TRAIP: variants seen among roughly 807,000 people sequenced by gnomAD.
TRAIP encodes the protein TRAF interacting protein.
In TRAIP, 37 loss-of-function variants were observed where a neutral mutation model predicts 65.0. That is an observed-to-expected ratio of 0.57 (90% CI 0.44 to 0.75). The LOEUF is 0.75. Ranked by LOEUF, TRAIP falls within the 30% of genes least tolerant of loss-of-function variation. The pLI is 0.00. For synonymous variants in TRAIP, 187 were observed against 219.1 expected (o/e 0.85, Z 1.29); for missense variants, 481 against 579.4 (o/e 0.83, Z 1.74).
chr3:49,835,796 G>A lies in TRAIP; in HGVS notation c.885-3728C>T, dbSNP rs552793508. 5.3e-5 allele frequency among the ~76,000 whole-genome samples: 8 copies of A among 151,762 alleles called. No individual in the cohort carries two copies. The East Asian group carries it at 9.9e-4, about 19-fold the overall frequency. ...CTACTAAAAATACAAAAAATTAGCCGGGCGTGGTGGCGGGCACCTGTAGTC... is the reference window on the plus strand; with the variant it reads ...CTACTAAAAATACAAAAAATTAGCCAGGCGTGGTGGCGGGCACCTGTAGTC... On this transcript the variant is annotated intron_variant, in intron 10 of 14. Transcript: ENST00000331456.
At chr3:49,840,452 G>A in intron 8 of TRAIP, 79 bp from the exon 9 acceptor site, 2 of 1,201,628 alleles carry the variant, frequency 1.7e-6, no homozygotes, top group Non-Finnish European at 2.5e-6. Flanking sequence ...TCCCCAGGGA[G>A]TGATCAAGGT....
rs771514505 is a variant in TRAIP at position 49,843,781 on chromosome 3, C to T, written c.408+20G>A. 1.2e-6 allele frequency: 2 copies of T among 1,608,716 alleles called. No homozygotes were observed. Among genetic ancestry groups the T allele is most frequent in the Non-Finnish European group, 1.7e-6 (2 of 1,175,516 alleles). ...AATACCTCCCTATGAATTCTGTACC[C>T]ATAAAACCTGAGGACCTACTTTCAG... is the stretch of plus-strand genomic sequence containing the variant. On this transcript the variant is annotated intron_variant, in intron 5 of 14. Transcript: ENST00000331456.
chr3:49,837,569 A>G (rs1401359888), intron 10 of TRAIP, among the ~76,000 whole-genome samples: 3 of 152,032 alleles, frequency 2.0e-5, no homozygotes, highest in Non-Finnish European at 1.5e-5. Flanking sequence ...AAACAAACAG[A>G]CCTGCCACCG....
At chr3:49,846,053 A>G (rs2081879587) in intron 3 of TRAIP, among the ~76,000 whole-genome samples, 1 of 152,136 alleles carries the variant, frequency 6.6e-6, no homozygotes, top group African/African-American at 2.4e-5. Context: ...TGCACACAAA[A>G]AAAGCTAAAT....
intron 10 of TRAIP, among the ~76,000 whole-genome samples, chr3:49,837,823 C>A (rs1271947536): frequency 6.6e-6 from 1 of 151,856 alleles, no homozygotes; most frequent in Admixed American, 6.6e-5. Context: ...CTCAGGTGAT[C>A]CACTCACCTC....
At chr3:49,835,863 G>A (rs999475477) in intron 10 of TRAIP, among the ~76,000 whole-genome samples, 3 of 151,432 alleles carry the variant, frequency 2.0e-5, no homozygotes, top group Admixed American at 6.6e-5. Context: ...AGCGTGAACC[G>A]GGGAGGCGGA....
intron 8 of TRAIP, 94 bp downstream of exon 8, chr3:49,840,891 G>A: frequency 8.5e-7 from 1 of 1,178,994 alleles, no homozygotes; most frequent in Admixed American, 1.7e-5. Flanking sequence ...AGTCAGCTGT[G>A]CCATCAGGTC....
rs2081717291 is a variant in TRAIP, at chr3:49,829,856, G to C, written c.1087-90C>G. ...GTGGTGGAACAAGATCAGGATCTCT[G>C]ATGCCTCACTAGGAGGCAGGAGGGA... On this transcript the variant is annotated intron_variant, in intron 12 of 14. Coordinates refer to ENST00000331456, the MANE Select transcript of TRAIP (RefSeq NM_005879.3). 20 of 1,585,874 alleles carry C rather than the reference G, an allele frequency of 1.3e-5. No homozygotes were observed. The South Asian group carries it at 1.8e-4, about 14-fold the overall frequency.
chr3:49,844,140 T>G (rs754607598), intron 4 of TRAIP: 57 of 628,528 alleles, frequency 9.1e-5, no homozygotes, highest in Non-Finnish European at 1.4e-4. Context: ...CACCTTCTGC[T>G]GCTTGAACTA....
intron 1 of TRAIP, among the ~76,000 whole-genome samples, chr3:49,852,238 G>A (rs1320234101): frequency 6.6e-6 from 1 of 151,042 alleles, no homozygotes; most frequent in Non-Finnish European, 1.5e-5. Context: ...ACGGTGGCGA[G>A]CGCCTGTAAT....
Position 49,841,027 on chromosome 3 carries a change from C to A in TRAIP, c.663G>T (p.Val221=), listed in dbSNP as rs756884235. ...LKEARKASGE[V]ADKLRKDLFS... ...ACAAATCCTTCCTCAGCTTGTCAGC[C>A]ACCTCCCCTGAGGCCTTCCGTGCCT... The change falls in exon 8 of 15, where the codon GTG becomes GTT. Residue 221 remains valine, a synonymous_variant. Transcript: ENST00000331456. 6.2e-7 allele frequency: 1 copy of A among 1,614,174 alleles called. No homozygotes were observed. The highest frequency in any genetic ancestry group is 1.7e-5 in the Admixed American group (1 of 60,020).
At position 49,831,941 on chromosome 3, in the gene TRAIP, C is replaced by T. The variant is rs766612476; in HGVS notation, c.1012G>A (p.Glu338Lys). The change falls in exon 11 of 15, where the codon GAA (glutamate) becomes AAA (lysine). Residue 338 changes from glutamate (E) to lysine (K), a missense_variant. Physicochemically the swap from Glu to Lys is moderately conservative, Grantham distance 56. Transcript: ENST00000331456. ...TGTGACTTCTCTAGGCAAAGTTTTT[C>T]GTAGTAACCATGCTGGGAGCTGGAG... ...RPSSSQHGYYEKLCLEKSHSP... is the reference protein window; with the variant it reads ...RPSSSQHGYYKKLCLEKSHSP... 20 of 1,592,410 alleles carry T rather than the reference C, an allele frequency of 1.3e-5. No homozygotes were observed. The highest frequency in any genetic ancestry group is 1.0e-4 in the South Asian group (9 of 88,022).
rs373118574 is a variant in TRAIP at position 49,839,857 on chromosome 3, G to A, written c.799C>T (p.Leu267=). The change falls in exon 10 of 15, where the codon CTG becomes TTG. Residue 267 remains leucine (L), a synonymous_variant. Coordinates refer to ENST00000331456, the MANE Select transcript of TRAIP (RefSeq NM_005879.3). ...LQSADKEIMS[L]KKKLTMLQET... ...TGCAGCATCGTTAGCTTCTTTTTCA[G>A]GCTCTTGGGGAGGGAAAGAAAAGTG... The A allele has an allele frequency of 1.1e-5, 17 of 1,614,072 alleles. No individual in the cohort carries two copies. The highest frequency in any genetic ancestry group is 1.3e-5 in the Non-Finnish European group (15 of 1,180,028).
At chr3:49,850,498 C>CAA (rs971648570) in intron 1 of TRAIP, among the ~76,000 whole-genome samples, 3 of 119,346 alleles carry the variant, frequency 2.5e-5, no homozygotes, top group Non-Finnish European at 3.5e-5. Flanking sequence ...GACTCTGTCT[C>CAA]AAAAAAAAAA....
At chr3:49,844,093 G>C (rs1575396145) in intron 4 of TRAIP, 165 bp from the exon 5 acceptor site, 1 of 917,026 alleles carries the variant, frequency 1.1e-6, no homozygotes, top group South Asian at 1.9e-5. Context: ...TGCCAAACCA[G>C]AGAAGCTGAG....
intron 10 of TRAIP, 111 bp from the exon 11 acceptor site, chr3:49,832,179 T>A: frequency 8.0e-7 from 1 of 1,253,790 alleles, no homozygotes; most frequent in Non-Finnish European, 1.0e-6. Flanking sequence ...CACTCCTGAC[T>A]CAAGGCCACC....
chr3:49,846,152 C>T (rs914089811), intron 3 of TRAIP, among the ~76,000 whole-genome samples: 1 of 152,212 alleles, frequency 6.6e-6, no homozygotes, highest in Non-Finnish European at 1.5e-5. Flanking sequence ...AGCTGCAACT[C>T]TTGATTCCAA....
At chr3:49,844,127 G>A in intron 4 of TRAIP, 199 bp from the exon 5 acceptor site, 1 of 681,110 alleles carries the variant, frequency 1.5e-6, no homozygotes, top group Non-Finnish European at 2.4e-6. Flanking sequence ...TCAGGGAAAA[G>A]CCCACCTTCT....
At chr3:49,834,646 C>T (rs1356334154) in intron 10 of TRAIP, among the ~76,000 whole-genome samples, 1 of 152,190 alleles carries the variant, frequency 6.6e-6, no homozygotes. Context: ...TTGGACCCAA[C>T]AGTAAAGCCT....
Sources: gnomAD v4.1 joint callset for allele counts (sites outside exome capture counted in the v4.1 genomes callset) on GRCh38, gnomAD v4.1.1 for gene constraint, MANE v1.5 for transcripts, NCBI Gene and HGNC (gene_info 2026-07-23, HGNC 2026-07-21) for gene names.